Variants in AGO4 observed in about 807,000 individuals in gnomAD.
The protein encoded by AGO4 is protein argonaute-4.
Under a neutral mutation model 104.7 loss-of-function variants are expected in AGO4, and 33 were observed. The ratio of observed to expected loss-of-function variants is 0.32; its 90% CI spans 0.24 to 0.42. AGO4 has a LOEUF of 0.42. AGO4 is among the 10% of genes least tolerant of loss of function. The probability of loss-of-function intolerance (pLI) is 1.00; values close to 1 mark genes in which losing one functional copy is unlikely to be tolerated. For synonymous variants in AGO4, 331 were observed against 364.7 expected (o/e 0.91, Z 1.05); for missense variants, 711 against 1,083.4 (o/e 0.66, Z 4.83).
chr1:35,826,057 A>G lies in AGO4; in HGVS notation c.757A>G (p.Arg253Gly), dbSNP rs1294780574. 1 of 1,613,906 alleles carries G rather than the reference A, an allele frequency of 6.2e-7. No individual in the cohort carries two copies. The highest frequency in any genetic ancestry group is 1.3e-5 in the African/African-American group (1 of 74,926). The change falls in exon 6 of 18, where the codon AGA becomes GGA. Residue 253 changes from arginine (R) to glycine (G), a missense_variant. Around this residue, in one of 3 missense-constraint regions of AGO4, gnomAD observed 308 missense variants for 397.8 expected, o/e 0.77. Coordinates refer to ENST00000373210, the MANE Select transcript of AGO4 (RefSeq NM_017629.4). ...GCGTGTCAAATTTACCAAAGAAATC[A>G]GAGGTAAGTGTTTGCATTAATGTAG... is the stretch of plus-strand genomic sequence containing the variant. ...SQRVKFTKEI[R>G]GLKVEVTHCG...
At chr1:35,833,905 CTGAA>C (rs1644244244) in intron 11 of AGO4, 81 bp from the exon 12 acceptor site, 1 of 1,192,480 alleles carries the variant, frequency 8.4e-7, no homozygotes, top group Non-Finnish European at 1.1e-6. Flanking sequence ...ATTTACAAAA[CTGAA>C]GGAAGTATTT....
intron 2 of AGO4, among the ~76,000 whole-genome samples, chr1:35,819,888 G>A (rs1236477819): frequency 6.6e-6 from 1 of 152,022 alleles, no homozygotes; most frequent in Non-Finnish European, 1.5e-5. Flanking sequence ...TGAGAATCAT[G>A]AGCTTATTGA....
Position 35,835,836 on chromosome 1 carries a change from G to A in AGO4, c.1567G>A (p.Glu523Lys), listed in dbSNP as rs2148672195. 1 of 1,589,360 alleles carries A rather than the reference G, an allele frequency of 6.3e-7. No homozygotes were observed. The highest frequency in any genetic ancestry group is 2.2e-5 in the East Asian group (1 of 44,674). ...ILPGKTPVYA[E>K]VKRVGDTLLG... ...AAATTAATAAATTATTTTTGTAGCG[G>A]AGGTGAAACGTGTTGGAGATACCCT... Residue 523 changes from glutamate (E) to lysine (K), a missense_variant and splice_region_variant, in exon 13 of 18, where the codon GAG becomes AAG. Coordinates refer to ENST00000373210, the MANE Select transcript of AGO4 (RefSeq NM_017629.4).
At chr1:35,810,224 G>T (rs1643455202) in intron 1 of AGO4, among the ~76,000 whole-genome samples, 1 of 152,062 alleles carries the variant, frequency 6.6e-6, no homozygotes, top group Admixed American at 6.5e-5. Flanking sequence ...TCCTTTTTTG[G>T]TGTTGCAGTA....
chr1:35,820,358 A>T (rs750963904), intron 2 of AGO4, among the ~76,000 whole-genome samples: 1 of 151,954 alleles, frequency 6.6e-6, no homozygotes, highest in Non-Finnish European at 1.5e-5. Flanking sequence ...TTAATTTTTT[A>T]TTTATGTATT....
intron 4 of AGO4, 75 bp from the exon 5 acceptor site, chr1:35,825,604 G>C (rs758209021): frequency 1.2e-5 from 18 of 1,532,870 alleles, no homozygotes; most frequent in South Asian, 7.8e-5. Context: ...TTTGATTTCA[G>C]CTCCCAGAGT....
chr1:35,835,328 AT>A (rs1323394142), intron 12 of AGO4, among the ~76,000 whole-genome samples: 9 of 152,200 alleles, frequency 5.9e-5, no homozygotes, highest in Non-Finnish European at 1.0e-4. Context: ...AAGTGCTGAG[AT>A]TACAGATGTG....
intron 17 of AGO4, 92 bp from the exon 18 acceptor site, chr1:35,853,405 T>C (rs946730571): frequency 1.4e-5 from 15 of 1,061,638 alleles, no homozygotes; most frequent in Non-Finnish European, 2.1e-5. Context: ...TGGTCTTCTG[T>C]TACACCTGTT....
chr1:35,845,554 A>G (rs537562317), intron 15 of AGO4, among the ~76,000 whole-genome samples: 8 of 151,938 alleles, frequency 5.3e-5, no homozygotes, highest in African/African-American at 1.9e-4. Flanking sequence ...TCCATTAAAC[A>G]CTGATATTTC....
At chr1:35,820,505 GCA>G (rs1643869188) in intron 2 of AGO4, among the ~76,000 whole-genome samples, 1 of 151,918 alleles carries the variant, frequency 6.6e-6, no homozygotes, top group Non-Finnish European at 1.5e-5. Flanking sequence ...TTACAGGCAT[GCA>G]CCACCACACC....
intron 11 of AGO4, among the ~76,000 whole-genome samples, chr1:35,832,829 G>C (rs560050876): frequency 2.2e-4 from 34 of 152,278 alleles, no homozygotes; most frequent in African/African-American, 7.5e-4. Flanking sequence ...AAATTCTTGA[G>C]TTCTTATTGA....
At chr1:35,822,383 G>A (rs1643905916) in intron 2 of AGO4, among the ~76,000 whole-genome samples, 1 of 152,018 alleles carries the variant, frequency 6.6e-6, no homozygotes, top group Non-Finnish European at 1.5e-5. Context: ...AGCCTCCTGA[G>A]TAGCTGGGAT....
At position 35,832,670 on chromosome 1, in the gene AGO4, C is replaced by T. The variant is rs568301228; in HGVS notation, c.1379+100C>T. ...GTGTACACTGGCACTAAATCCCTGACTCCCATAGTGACACCATCTGGCTAT... is the reference window on the plus strand; with the variant it reads ...GTGTACACTGGCACTAAATCCCTGATTCCCATAGTGACACCATCTGGCTAT... On this transcript the variant is annotated intron_variant, in intron 11 of 17. Coordinates refer to ENST00000373210, the MANE Select transcript of AGO4 (RefSeq NM_017629.4). The T allele has an allele frequency of 1.7e-3, 2,398 of 1,414,594 alleles. 5 individuals are homozygous for T. The highest frequency in any genetic ancestry group is 2.1e-3 in the Non-Finnish European group (2,232 of 1,064,810). The allele number at this position is 1,414,594 out of a possible 1,614,324, so 87.6% of individuals were successfully genotyped here.
chr1:35,841,440 T>C lies in AGO4; in HGVS notation c.2000T>C (p.Ile667Thr), dbSNP rs1644439730. 7 of 1,613,992 alleles carry C rather than the reference T, an allele frequency of 4.3e-6. No individual in the cohort carries two copies. The highest frequency in any genetic ancestry group is 5.9e-6 in the Non-Finnish European group (7 of 1,179,874). Residue 667 changes from isoleucine (I) to threonine (T), a missense_variant, in exon 14 of 18, where the codon ATC becomes ACC. Ile to Thr is a moderately conservative substitution (Grantham distance 89). Around this residue, in one of 3 missense-constraint regions of AGO4, gnomAD observed 401 missense variants for 665.5 expected, o/e 0.60. Transcript: ENST00000373210. The surrounding 1 kb of genome is among the most constrained non-coding windows in gnomAD (Gnocchi z 4.7). ...ACACGCTTCAAACCCACTCGGATCATCTATTACCGTGGAGGGGTATCTGAG... is the reference window on the plus strand; with the variant it reads ...ACACGCTTCAAACCCACTCGGATCACCTATTACCGTGGAGGGGTATCTGAG... Reference protein sequence around the residue: ...KSTRFKPTRIIYYRGGVSEGQ... With the variant: ...KSTRFKPTRITYYRGGVSEGQ...
intron 9 of AGO4, 37 bp from the exon 10 acceptor site, chr1:35,832,020 T>G (rs1167447183): frequency 3.1e-6 from 5 of 1,605,798 alleles, no homozygotes; most frequent in Non-Finnish European, 4.2e-6. Flanking sequence ...ACAGTTACTC[T>G]CTGGTTTTTA....
Position 35,825,863 on chromosome 1 carries a change from T to A in AGO4, c.625+48T>A, listed in dbSNP as rs200431448. 45 of 1,597,168 alleles carry A rather than the reference T, an allele frequency of 2.8e-5. No homozygotes were observed. In the African/African-American group the frequency reaches 5.9e-4, roughly 21 times the overall value. ...CAATAACTCTTTGGGCTGGTTTTTGTTTGTTTGTTTGTTTTGGCCCTTCCC... is the reference window on the plus strand; with the variant it reads ...CAATAACTCTTTGGGCTGGTTTTTGATTGTTTGTTTGTTTTGGCCCTTCCC... On this transcript the variant is annotated intron_variant, in intron 5 of 17. Transcript: ENST00000373210.
intron 4 of AGO4, 55 bp downstream of exon 4, chr1:35,825,549 T>C: frequency 1.9e-6 from 3 of 1,565,516 alleles, no homozygotes; most frequent in Non-Finnish European, 2.6e-6. Context: ...TTTGGTAGGT[T>C]GTACTGGAGC....
At chr1:35,837,613 C>A (rs1644345533) in intron 13 of AGO4, among the ~76,000 whole-genome samples, 2 of 152,300 alleles carry the variant, frequency 1.3e-5, no homozygotes, top group South Asian at 4.1e-4. Context: ...CTCTTGAGCT[C>A]AAACAGTCCT....
In AGO4 at chr1:35,853,742, C is replaced by A; in HGVS notation, c.*137C>A. On this transcript the variant is annotated 3_prime_UTR_variant, in exon 18 of 18. Transcript: ENST00000373210. ...GCAGCTCGGAATAGTTGCACTGAATCTATACTTTGCAGCACTGTCTGATGC... is the reference window on the plus strand; with the variant it reads ...GCAGCTCGGAATAGTTGCACTGAATATATACTTTGCAGCACTGTCTGATGC... 1.5e-6 allele frequency: 1 copy of A among 673,314 alleles called. No individual in the cohort carries two copies. The highest frequency in any genetic ancestry group is 2.6e-6 in the Non-Finnish European group (1 of 387,946). 41.7% of individuals were successfully genotyped at this position (673,314 alleles called of 1,614,324 possible).
Sources: gnomAD v4.1 joint callset for allele counts (sites outside exome capture counted in the v4.1 genomes callset) on GRCh38, gnomAD v4.1.1 for gene constraint, gnomAD v4.1.1 regional missense constraint, Gnocchi (gnomAD v3.1) non-coding constraint, MANE v1.5 for transcripts, NCBI Gene and HGNC (gene_info 2026-07-23, HGNC 2026-07-21) for gene names.